ARHGAP29: variants seen among roughly 807,000 people sequenced by gnomAD.
ARHGAP29 encodes rho GTPase-activating protein 29.
Under a neutral mutation model 122.6 loss-of-function variants are expected in ARHGAP29, and 43 were observed. The ratio of observed to expected loss-of-function variants is 0.35; its 90% CI spans 0.27 to 0.45. The LOEUF (loss-of-function observed/expected upper bound fraction) is 0.45. Among genes scored for constraint, ARHGAP29 ranks in the 20% least tolerant of loss-of-function variants. The pLI is 1.00. For synonymous variants in ARHGAP29, 506 were observed against 497.1 expected (o/e 1.02, Z -0.24); for missense variants, 1,303 against 1,477.2 (o/e 0.88, Z 1.93).
the ARHGAP29 span, among the ~76,000 whole-genome samples, chr1:94,307,991 C>T: frequency 2.0e-5 from 3 of 152,068 alleles, no homozygotes; most frequent in Admixed American, 2.0e-4. Flanking sequence ...TGCCTAGTAC[C>T]CAAGGATTAA....
chr1:94,177,627 C>G lies in ARHGAP29; in HGVS notation c.2890G>C (p.Asp964His). 1.2e-6 allele frequency: 2 copies of G among 1,610,654 alleles called. No individual in the cohort carries two copies. The highest frequency in any genetic ancestry group is 1.7e-6 in the Non-Finnish European group (2 of 1,178,894). Residue 964 changes from aspartate to histidine, a missense_variant, in exon 22 of 23, where the codon GAT becomes CAT. By Grantham distance (81) the Asp-to-His change is moderately conservative. This residue lies in a region of ARHGAP29 where 620 missense variants were observed against 651.2 expected (regional missense o/e 0.95). Transcript: ENST00000260526. ...ERKQNALGKCDACLSDKAQLL... is the reference protein window; with the variant it reads ...ERKQNALGKCHACLSDKAQLL... ...GGCTACTCACCACTGAGACATGCAT[C>G]ACATTTTCCTAACGCATTTTGCTTG...
chr1:94,178,814 C>T (rs1649272079), intron 20 of ARHGAP29, among the ~76,000 whole-genome samples: 1 of 152,188 alleles, frequency 6.6e-6, no homozygotes, highest in Non-Finnish European at 1.5e-5. Flanking sequence ...AGGCCTCTAC[C>T]TGGCTCAGTT....
At chr1:94,304,346 C>A in the ARHGAP29 span, among the ~76,000 whole-genome samples, 1 of 152,160 alleles carries the variant, frequency 6.6e-6, no homozygotes, top group African/African-American at 2.4e-5. Context: ...CACTATGTGG[C>A]CCAGGCTGGT....
chr1:94,301,160 C>G, the ARHGAP29 span, among the ~76,000 whole-genome samples: 3 of 152,168 alleles, frequency 2.0e-5, no homozygotes, highest in Non-Finnish European at 4.4e-5. Context: ...CACAGAAAGA[C>G]TCTCGATGTT....
rs1418020540 is a variant in ARHGAP29, at chr1:94,235,401, AATGACGC to A, written c.-33+2007_-33+2013del. On this transcript the variant is annotated intron_variant, in intron 1 of 22. Transcript: ENST00000260526. ...ACTGCAACTGGCAACTTAATTAGGTAATGACGCATGCAAAGTACTTAGCAGAGTGCCT... is the reference window on the plus strand; with the variant it reads ...ACTGCAACTGGCAACTTAATTAGGTAATGCAAAGTACTTAGCAGAGTGCCT... Among the ~76,000 whole-genome samples the A allele has an allele frequency of 3.9e-5, 6 of 152,358 alleles. No individual in the cohort carries two copies. The East Asian group carries it at 1.2e-3, about 29-fold the overall frequency.
intron 3 of ARHGAP29, among the ~76,000 whole-genome samples, chr1:94,212,955 T>C (rs1192654521): frequency 1.3e-5 from 2 of 152,156 alleles, no homozygotes; most frequent in East Asian, 3.9e-4. Flanking sequence ...ACATTTTTTC[T>C]TATGTTACTA....
chr1:94,245,972 T>C (rs1653780855), intron 1 of ARHGAP29, among the ~76,000 whole-genome samples: 1 of 152,186 alleles, frequency 6.6e-6, no homozygotes. Context: ...AGATACACTA[T>C]TTTAAGGAGG....
chr1:94,279,870 C>T (rs1388481247), upstream of ARHGAP29, among the ~76,000 whole-genome samples: 1 of 152,086 alleles, frequency 6.6e-6, no homozygotes, highest in East Asian at 1.9e-4. Flanking sequence ...CTCTTTTGGG[C>T]CAAAGGTTTC....
the ARHGAP29 span, chr1:94,302,953 CG>C: frequency 5.7e-6 from 1 of 175,820 alleles, no homozygotes; most frequent in Non-Finnish European, 1.2e-5. Context: ...GGCTCGTTTC[CG>C]GGTATGACAA....
intron 5 of ARHGAP29, among the ~76,000 whole-genome samples, chr1:94,207,191 T>C (rs572322010): frequency 6.6e-6 from 1 of 151,970 alleles, no homozygotes; most frequent in Non-Finnish European, 1.5e-5. Flanking sequence ...GTATTTTTAG[T>C]AGAGACTGGG....
In ARHGAP29 at chr1:94,205,825, CTGTT is replaced by C. The variant is rs1481729868; in HGVS notation, c.511-146_511-143del. The C allele has an allele frequency of 1.6e-5, 11 of 673,374 alleles. No homozygotes were observed. In the African/African-American group the frequency reaches 2.0e-4, roughly 12 times the overall value. The allele number at this position is 673,374 out of a possible 1,614,324, so 41.7% of individuals were successfully genotyped here. A position where few individuals can be genotyped will look rare whatever the true frequency, so the allele number is the denominator to read the frequency against. ...TTTAAAACTTAAAGGCCTTAGAAGTCTGTTTAAGTGCCAGAACACTTCATAAGAA... is the reference window on the plus strand; with the variant it reads ...TTTAAAACTTAAAGGCCTTAGAAGTCTAAGTGCCAGAACACTTCATAAGAA... On this transcript the variant is annotated intron_variant, in intron 5 of 22. Coordinates refer to ENST00000260526, the MANE Select transcript of ARHGAP29 (RefSeq NM_004815.4).
chr1:94,304,545 A>G, the ARHGAP29 span, among the ~76,000 whole-genome samples: 3 of 152,316 alleles, frequency 2.0e-5, no homozygotes, highest in Non-Finnish European at 1.5e-5. Context: ...TACAGTGTTT[A>G]TTATTTGATA....
chr1:94,183,030 T>C (rs935173268), intron 19 of ARHGAP29, among the ~76,000 whole-genome samples: 2 of 152,122 alleles, frequency 1.3e-5, no homozygotes, highest in African/African-American at 2.4e-5. Context: ...AATAATATAT[T>C]ACATACTTTC....
intron 6 of ARHGAP29, 108 bp from the exon 7 acceptor site, chr1:94,205,306 T>TA (rs1432704407): frequency 4.8e-5 from 45 of 928,150 alleles, no homozygotes; most frequent in Non-Finnish European, 5.5e-5. Context: ...AACTGGTTTT[T>TA]AAAAAAAATA....
At chr1:94,185,943 T>C (rs1445742967) in intron 16 of ARHGAP29, among the ~76,000 whole-genome samples, 1 of 152,216 alleles carries the variant, frequency 6.6e-6, no homozygotes, top group African/African-American at 2.4e-5. Flanking sequence ...GCTAATTACA[T>C]ATTAATATTA....
chr1:94,255,166 A>G (rs1257825269), intron 1 of ARHGAP29, among the ~76,000 whole-genome samples: 1 of 152,212 alleles, frequency 6.6e-6, no homozygotes, highest in African/African-American at 2.4e-5. Flanking sequence ...TTCAATTAAA[A>G]TGAGGTCATT....
intron 19 of ARHGAP29, among the ~76,000 whole-genome samples, chr1:94,180,286 A>T (rs1318866769): frequency 6.6e-6 from 1 of 152,188 alleles, no homozygotes; most frequent in Non-Finnish European, 1.5e-5. Flanking sequence ...ATGATCTTCA[A>T]CTCTTTTATT....
In ARHGAP29 at chr1:94,181,080, C is replaced by T. The variant is rs190132106; in HGVS notation, c.2248-1123G>A. Among the ~76,000 whole-genome samples, 215 of 152,256 alleles carry T rather than the reference C, an allele frequency of 1.4e-3. 1 individual carries two copies. The highest frequency in any genetic ancestry group is 0.01 in the Middle Eastern group (3 of 294). On this transcript the variant is annotated intron_variant, in intron 19 of 22. Transcript: ENST00000260526. Reference sequence around the variant, plus strand: ...ACTAAAATACAGTAAGCCCACAGGACTGAGAGAATAGGAGAGGAGACAAAA... The same window carrying T: ...ACTAAAATACAGTAAGCCCACAGGATTGAGAGAATAGGAGAGGAGACAAAA...
chr1:94,220,438 C>T, intron 2 of ARHGAP29, 46 bp from the exon 3 acceptor site: 3 of 1,478,382 alleles, frequency 2.0e-6, no homozygotes, highest in Non-Finnish European at 1.8e-6. Context: ...CAAAGTTCCA[C>T]AAATCTAAAC....
Sources: gnomAD v4.1 joint callset for allele counts (sites outside exome capture counted in the v4.1 genomes callset) on GRCh38, gnomAD v4.1.1 for gene constraint, gnomAD v4.1.1 regional missense constraint, MANE v1.5 for transcripts, NCBI Gene and HGNC (gene_info 2026-07-23, HGNC 2026-07-21) for gene names.